ECI1: variants seen among roughly 807,000 people sequenced by gnomAD.
ECI1 encodes the protein enoyl-CoA delta isomerase 1, mitochondrial.
In ECI1, 34 loss-of-function variants were observed where a neutral mutation model predicts 34.2. That is an observed-to-expected ratio of 1.00 (90% confidence interval 0.76 to 1.33). The LOEUF is 1.33. Ranked by LOEUF, ECI1 falls within the 40% of genes most tolerant of loss-of-function variation. The pLI is 0.00. For missense variants in ECI1, 456 were observed against 422.2 expected (o/e 1.08, Z -0.70); for synonymous variants, 211 against 193.0 (o/e 1.09, Z -0.77).
At chr16:2,249,134 C>T (rs2093546939) in intron 2 of ECI1, among the ~76,000 whole-genome samples, 1 of 152,152 alleles carries the variant, frequency 6.6e-6, no homozygotes, top group Non-Finnish European at 1.5e-5. Flanking sequence ...CAAGCTCCAC[C>T]TCCGGGGTTC....
At chr16:2,251,273 G>T in intron 2 of ECI1, 43 bp downstream of exon 2, 1 of 1,017,800 alleles carries the variant, frequency 9.8e-7, no homozygotes. Context: ...ACCCCCGCGG[G>T]TCCTGACCCC....
Position 2,246,884 on chromosome 16 carries a change from C to T in ECI1, c.269G>A (p.Ser90Asn), listed in dbSNP as rs2141505204. 1 of 1,613,434 alleles carries T rather than the reference C, an allele frequency of 6.2e-7. No individual in the cohort carries two copies. Among genetic ancestry groups the T allele is most frequent in the Middle Eastern group, 1.7e-4 (1 of 5,744 alleles). Residue 90 changes from serine (S) to asparagine (N), a missense_variant, in exon 3 of 7, where the codon AGC (serine) becomes AAC (asparagine). Physicochemically the swap from Ser to Asn is conservative, Grantham distance 46 (BLOSUM62 1). Transcript: ENST00000301729. The stretch of plus-strand genomic sequence containing the variant: ...CGAGGTCAGAATGACACCGCGGAAG[C>T]TCTTGTCATTCTCCAGCTTCTCCAG... ...ISLEKLENDK[S>N]FRGVILTSDR... is the part of the protein sequence containing the mutation.
At chr16:2,240,273 G>C (rs1010188687) in intron 6 of ECI1, 128 bp from the exon 7 acceptor site, 1 of 1,042,412 alleles carries the variant, frequency 9.6e-7, no homozygotes, top group African/African-American at 1.6e-5. Flanking sequence ...GTGCAATGGT[G>C]GGATCTTGGC....
intron 4 of ECI1, chr16:2,244,000 C>T: frequency 5.8e-6 from 2 of 341,952 alleles, no homozygotes; most frequent in Non-Finnish European, 1.1e-5. Context: ...CTTGTCACAG[C>T]CACCCCGCAG....
intron 4 of ECI1, chr16:2,244,184 T>C (rs2093534734): frequency 1.7e-6 from 1 of 605,688 alleles, no homozygotes; most frequent in Non-Finnish European, 2.9e-6. Flanking sequence ...CTGGCTCTTT[T>C]CTGGGTCTTG....
intron 3 of ECI1, 71 bp from the exon 4 acceptor site, chr16:2,244,623 G>A: frequency 6.6e-7 from 1 of 1,511,340 alleles, no homozygotes. Context: ...AGGAGGGCTG[G>A]GGAGCCCAGG....
Position 2,244,421 on chromosome 16 carries a change from C to T in ECI1, c.426G>A (p.Leu142=), listed in dbSNP as rs1025716252. 5.0e-6 allele frequency: 8 copies of T among 1,612,528 alleles called. No individual in the cohort carries two copies. Among genetic ancestry groups the T allele is most frequent in the Non-Finnish European group, 6.8e-6 (8 of 1,179,842 alleles). Residue 142 remains leucine, a synonymous_variant, in exon 4 of 7, where the codon CTG becomes CTA. Coordinates refer to ENST00000301729, the MANE Select transcript of ECI1 (RefSeq NM_001919.4). ...GGACACTCACGTTGATGGCGGAGAC[C>T]AGCACCAGGTTGGACTGGTACAACC... ...WLRLYQSNLV[L]VSAINGACPA... is the part of the protein sequence containing the mutation.
chr16:2,240,372 C>T (rs1008892276), intron 6 of ECI1: 11 of 497,988 alleles, frequency 2.2e-5, no homozygotes, highest in East Asian at 1.5e-4. Context: ...CCACCACACC[C>T]GGCTAATTTT....
At chr16:2,242,632 A>T (rs767985687) in intron 6 of ECI1, 3 of 246,378 alleles carry the variant, frequency 1.2e-5, no homozygotes, top group Non-Finnish European at 2.4e-5. Context: ...TAGGTCCTAA[A>T]TCACATGGCA....
intron 3 of ECI1, among the ~76,000 whole-genome samples, chr16:2,245,178 C>T (rs1330612260): frequency 6.6e-6 from 1 of 152,154 alleles, no homozygotes; most frequent in Non-Finnish European, 1.5e-5. Context: ...ACCCTGGGGA[C>T]CCTGCATGGT....
intron 6 of ECI1, among the ~76,000 whole-genome samples, chr16:2,242,141 A>T (rs1022167884): frequency 6.6e-6 from 1 of 152,092 alleles, no homozygotes; most frequent in African/African-American, 2.4e-5. Flanking sequence ...TACAGGTGTG[A>T]GCCACCGCGC....
intron 1 of ECI1, 36 bp from the exon 2 acceptor site, chr16:2,251,465 G>A (rs749574834): frequency 6.5e-7 from 1 of 1,527,116 alleles, no homozygotes; most frequent in South Asian, 1.2e-5. Flanking sequence ...GTTAGTTCCC[G>A]GTCCTGGCCC....
intron 2 of ECI1, 28 bp downstream of exon 2, chr16:2,251,288 C>T (rs1327158906): frequency 1.8e-6 from 2 of 1,114,670 alleles, no homozygotes; most frequent in Non-Finnish European, 1.1e-6. Flanking sequence ...GACCCCACGC[C>T]CGCCCTCCCT....
At position 2,239,948 on chromosome 16, in the gene ECI1, G is replaced by C. The variant is rs1382996220; in HGVS notation, c.*31C>G. ...ACCTCCCTGGGACCCACAGGGGCAC[G>C]TGTGGCCGTAAGCCTGTGGCAGCCC... On this transcript the variant is annotated 3_prime_UTR_variant, in exon 7 of 7. Coordinates refer to ENST00000301729, the MANE Select transcript of ECI1 (RefSeq NM_001919.4). The C allele has an allele frequency of 1.2e-6, 2 of 1,611,702 alleles. No homozygotes were observed. The highest frequency in any genetic ancestry group is 1.7e-6 in the Non-Finnish European group (2 of 1,178,564).
intron 2 of ECI1, among the ~76,000 whole-genome samples, chr16:2,247,822 T>C (rs1393226551): frequency 6.6e-6 from 1 of 152,162 alleles, no homozygotes; most frequent in African/African-American, 2.4e-5. Context: ...TCCTCCCAAC[T>C]CAGCCTGCTG....
At chr16:2,242,821 T>C in intron 6 of ECI1, 1 of 598,312 alleles carries the variant, frequency 1.7e-6, no homozygotes, top group South Asian at 1.9e-5. Flanking sequence ...AGTGCAGTCC[T>C]GCCCACACTT....
In ECI1 at chr16:2,239,829, G is replaced by T; in HGVS notation, c.*150C>A. On this transcript the variant is annotated 3_prime_UTR_variant, in exon 7 of 7. Coordinates refer to ENST00000301729, the MANE Select transcript of ECI1 (RefSeq NM_001919.4). ...GTGTGTTTGTGTGTGGCTGGGCCTT[G>T]GGCCACTGGGCTATGAGGAACAGGA... 2.4e-6 allele frequency: 2 copies of T among 834,994 alleles called. No homozygotes were observed. Among genetic ancestry groups the T allele is most frequent in the South Asian group, 1.4e-5 (1 of 69,188 alleles). The allele number at this position is 834,994 out of a possible 1,614,324, so 51.7% of individuals were successfully genotyped here.
At position 2,250,022 on chromosome 16, in the gene ECI1, A is replaced by T. The variant is rs564317912; in HGVS notation, c.166+1294T>A. On this transcript the variant is annotated intron_variant, in intron 2 of 6. Transcript: ENST00000301729. ...GGGAGCCTCTGTCTCAAAAAAAAAA[A>T]AATAATAATTTTTTTTTTTGCATTT... 5.8e-3 allele frequency among the ~76,000 whole-genome samples: 868 copies of T among 148,708 alleles called. 1 individual carries two copies. Among genetic ancestry groups the T allele is most frequent in the South Asian group, 0.01 (49 of 4,712 alleles).
At position 2,242,940 on chromosome 16, in the gene ECI1, AT is replaced by A; in HGVS notation, c.742+105del. ...GCCTCCTGACACCCACATGGCTGTG[AT>A]TATCAACAGTCTCCCGAAGTCACGA... On this transcript the variant is annotated intron_variant, in intron 6 of 6. Transcript: ENST00000301729. The A allele has an allele frequency of 3.3e-6, 3 of 901,002 alleles. No individual in the cohort carries two copies. The South Asian group carries it at 4.2e-5, about 13-fold the overall frequency. The allele number at this position is 901,002 out of a possible 1,614,324, so 55.8% of individuals were successfully genotyped here. A position where few individuals can be genotyped will look rare whatever the true frequency, so the allele number is the denominator to read the frequency against.
Sources: gnomAD v4.1 joint callset for allele counts (sites outside exome capture counted in the v4.1 genomes callset) on GRCh38, gnomAD v4.1.1 for gene constraint, MANE v1.5 for transcripts, NCBI Gene and HGNC (gene_info 2026-07-23, HGNC 2026-07-21) for gene names.